ZNF385D: variants seen among roughly 807,000 people sequenced by gnomAD.
ZNF385D encodes zinc finger protein 385D.
Under a neutral mutation model 35.8 loss-of-function variants are expected in ZNF385D, and 15 were observed. The observed-to-expected ratio is 0.42, with a 90% confidence interval of 0.28 to 0.64. The LOEUF is 0.64. Ranked by LOEUF, ZNF385D falls within the 30% of genes least tolerant of loss-of-function variation. The pLI, the probability that ZNF385D is intolerant of heterozygous loss-of-function variation, is 0.23. For synonymous variants in ZNF385D, 212 were observed against 186.8 expected, an observed-to-expected ratio of 1.13 and a Z score of -1.10; for missense variants, 474 against 494.6, an observed-to-expected ratio of 0.96 and a Z score of 0.39.
At chr3:21,734,104 G>T (rs1479334174) in intron 1 of ZNF385D, among the ~76,000 whole-genome samples, 1 of 151,944 alleles carries the variant, frequency 6.6e-6, no homozygotes. Context: ...CCTAGTTCAA[G>T]ATCAAATACT....
chr3:22,346,713 T>G (rs937760948), intron 2 of ZNF385D, among the ~76,000 whole-genome samples: 1 of 152,156 alleles, frequency 6.6e-6, no homozygotes, highest in Non-Finnish European at 1.5e-5. Flanking sequence ...ATATTCTTTT[T>G]AAAAAAATTC....
intron 3 of ZNF385D, among the ~76,000 whole-genome samples, chr3:21,814,539 T>G (rs147609512): frequency 0.077 from 11,770 of 152,160 alleles, 618 homozygotes; most frequent in South Asian, 0.13. Flanking sequence ...AATCCTAGTC[T>G]CTGATAAAAC....
chr3:21,954,057 C>T (rs1475890654), intron 3 of ZNF385D, among the ~76,000 whole-genome samples: 1 of 151,906 alleles, frequency 6.6e-6, no homozygotes, highest in East Asian at 1.9e-4. Flanking sequence ...GGTAAAAAGT[C>T]AGATTTTATT....
At chr3:22,025,095 C>T (rs1327826865) in intron 3 of ZNF385D, among the ~76,000 whole-genome samples, 2 of 152,100 alleles carry the variant, frequency 1.3e-5, no homozygotes, top group Admixed American at 6.6e-5. Context: ...TGGGAGGACC[C>T]TGATGAAGCT....
At chr3:21,650,104 G>A (rs1319677389) in intron 2 of ZNF385D, among the ~76,000 whole-genome samples, 2 of 152,040 alleles carry the variant, frequency 1.3e-5, no homozygotes, top group Non-Finnish European at 2.9e-5. Context: ...GTGAAAGGAA[G>A]GCAGGTATCC....
intron 3 of ZNF385D, among the ~76,000 whole-genome samples, chr3:22,134,933 G>A (rs1488050085): frequency 3.3e-5 from 5 of 152,100 alleles, no homozygotes; most frequent in Admixed American, 6.5e-5. Flanking sequence ...ACACTAGTAC[G>A]TAGAAGATTA....
chr3:22,098,126 T>A (rs981063019), intron 3 of ZNF385D, among the ~76,000 whole-genome samples: 3 of 151,984 alleles, frequency 2.0e-5, no homozygotes, highest in African/African-American at 7.2e-5. Flanking sequence ...ATGACTGAAA[T>A]AGAATTTTCT....
chr3:21,731,553 G>A (rs35425114), intron 1 of ZNF385D, among the ~76,000 whole-genome samples: 26,537 of 152,116 alleles, frequency 0.17, 2,732 homozygotes, highest in Admixed American at 0.31. Context: ...TTCACTCTTG[G>A]TGTTGTACAT....
intron 1 of ZNF385D, among the ~76,000 whole-genome samples, chr3:21,699,883 G>C (rs1157741451): frequency 7.5e-6 from 1 of 132,812 alleles, no homozygotes; most frequent in African/African-American, 2.9e-5. Flanking sequence ...CCAGGTTGAA[G>C]TGCAGTGGTG....
At chr3:22,248,907 C>A (rs191187781) in intron 2 of ZNF385D, among the ~76,000 whole-genome samples, 26 of 152,258 alleles carry the variant, frequency 1.7e-4, no homozygotes, top group Non-Finnish European at 2.8e-4. Context: ...TGAATACTCC[C>A]TTCTCATGAC....
intron 7 of ZNF385D, 23 bp from the exon 8 acceptor site, chr3:21,421,470 T>TAA: frequency 6.4e-7 from 1 of 1,566,942 alleles, no homozygotes; most frequent in South Asian, 1.1e-5. Context: ...AAAAATATTG[T>TAA]AAAAAAAACA....
chr3:21,681,710 A>C lies in ZNF385D; in HGVS notation c.23-16682T>G, dbSNP rs184193772. ...GATAAAAAAAAACGAAAAAAAAAAAACAAACAAAAAAGGAAATAAAACAAT... is the reference window on the plus strand; with the variant it reads ...GATAAAAAAAAACGAAAAAAAAAAACCAAACAAAAAAGGAAATAAAACAAT... On this transcript the variant is annotated intron_variant, in intron 1 of 7. Transcript: ENST00000281523. 9.4e-4 allele frequency among the ~76,000 whole-genome samples: 137 copies of C among 146,496 alleles called. 3 individuals carry two copies. In the East Asian group the frequency reaches 0.025, roughly 27 times the overall value.
chr3:21,885,530 A>G (rs1359277063), intron 3 of ZNF385D, among the ~76,000 whole-genome samples: 1 of 152,038 alleles, frequency 6.6e-6, no homozygotes, highest in Non-Finnish European at 1.5e-5. Context: ...TCATGCTTAA[A>G]TTGCAATCAG....
chr3:22,014,490 C>G (rs529521850), intron 3 of ZNF385D, among the ~76,000 whole-genome samples: 19 of 152,210 alleles, frequency 1.2e-4, no homozygotes, highest in African/African-American at 4.6e-4. Context: ...AAACAAAACA[C>G]AAACTACCAA....
chr3:22,050,678 A>T (rs1020339803), intron 3 of ZNF385D, among the ~76,000 whole-genome samples: 5 of 152,336 alleles, frequency 3.3e-5, no homozygotes, highest in African/African-American at 1.2e-4. Flanking sequence ...TACCAGATGA[A>T]CTCAGCAGTT....
chr3:21,594,564 C>G (rs568798075), intron 2 of ZNF385D, among the ~76,000 whole-genome samples: 7 of 152,160 alleles, frequency 4.6e-5, no homozygotes, highest in Middle Eastern at 3.4e-3. Flanking sequence ...ATATTGTAAA[C>G]GGGATTGTGG....
intron 3 of ZNF385D, among the ~76,000 whole-genome samples, chr3:22,096,363 A>G (rs1701632170): frequency 7.6e-6 from 1 of 132,050 alleles, no homozygotes; most frequent in African/African-American, 2.5e-5. Flanking sequence ...TTTTTTTAAA[A>G]GAAAAAAACT....
intron 3 of ZNF385D, among the ~76,000 whole-genome samples, chr3:22,110,485 G>T (rs1293222536): frequency 1.3e-5 from 2 of 152,224 alleles, no homozygotes; most frequent in East Asian, 1.9e-4. Flanking sequence ...CATGTCCTTT[G>T]TAGGGACACG....
Position 21,976,381 on chromosome 3 carries a change from G to C in ZNF385D, c.325+192436C>G, listed in dbSNP as rs117945476. Among the ~76,000 whole-genome samples the C allele has an allele frequency of 2.8e-4, 42 of 152,188 alleles. 1 individual carries two copies. The East Asian group carries it at 5.4e-3, about 20-fold the overall frequency. ...GATTAGTATCTTCAAATAAATAAAT[G>C]ACCAAGTGGAGAATGATAAGAGGAT... On this transcript the variant is annotated intron_variant, in intron 3 of 5. Transcript: ENST00000494108.
Sources: gnomAD v4.1 joint callset for allele counts (sites outside exome capture counted in the v4.1 genomes callset) on GRCh38, gnomAD v4.1.1 for gene constraint, MANE v1.5 for transcripts, NCBI Gene and HGNC (gene_info 2026-07-23, HGNC 2026-07-21) for gene names.